The following SCO1 variants were observed in gnomAD, a reference collection of about 807,000 sequenced individuals.
SCO1 encodes synthesis of cytochrome C oxidase 1, also known as cytochrome c oxidase assembly factor SCO1.
SCO1 carries 23 observed loss-of-function variants against 34.0 expected under a neutral mutation model. The observed-to-expected ratio is 0.68, with a 90% CI of 0.49 to 0.96. The LOEUF (loss-of-function observed/expected upper bound fraction) is 0.96. SCO1 is among the 40% of genes least tolerant of loss of function. SCO1 has a pLI of 0.00. For synonymous variants in SCO1, 161 were observed against 145.5 expected, an observed-to-expected ratio of 1.11 and a Z score of -0.77; for missense variants, 404 against 381.6, an observed-to-expected ratio of 1.06 and a Z score of -0.49.
rs2074586226 is a variant in SCO1, at chr17:10,677,151, C to A, written c.*3968G>T. The A allele has an allele frequency of 6.6e-6, 1 of 152,082 alleles. No homozygotes were observed. Among genetic ancestry groups the A allele is most frequent in the Admixed American group, 6.6e-5 (1 of 15,264 alleles). The allele number at this position is 152,082 out of a possible 1,614,324, so 9.4% of individuals were successfully genotyped here. On this transcript the variant is annotated 3_prime_UTR_variant, in exon 6 of 6. Coordinates refer to ENST00000255390, the MANE Select transcript of SCO1 (RefSeq NM_004589.4). The stretch of plus-strand genomic sequence containing the variant: ...GAGAAACCCGTCTCTACTAAAAATA[C>A]AAAAATTTAGCTGGGTGTGCTGGTG...
In SCO1 at chr17:10,694,225, A is replaced by G. The variant is rs116806947; in HGVS notation, c.365-1264T>C. ...TCCAAGCTAAGGGGCATTCTACAAA[A>G]TAACTCTCCTGTAACTGTCAAAGCT... On this transcript the variant is annotated intron_variant, in intron 2 of 5. Transcript: ENST00000255390. Among the ~76,000 whole-genome samples, 620 of 152,350 alleles carry G rather than the reference A, an allele frequency of 4.1e-3. 2 individuals carry two copies. The highest frequency in any genetic ancestry group is 0.014 in the African/African-American group (571 of 41,580).
rs961223483 is a variant in SCO1, at chr17:10,694,749, G to A, written c.364+992C>T. ...AGCTTCCATATTCTAGAATTTTCCC[G>A]CCACAACTTTCCTAGCTTTTGTTTC... On this transcript the variant is annotated intron_variant, in intron 2 of 5. Coordinates refer to ENST00000255390, the MANE Select transcript of SCO1 (RefSeq NM_004589.4). 5.9e-5 allele frequency among the ~76,000 whole-genome samples: 9 copies of A among 151,936 alleles called. 1 individual carries two copies. In the South Asian group the frequency reaches 6.2e-4, roughly 10 times the overall value.
chr17:10,689,115 C>CAA (rs556558488), intron 4 of SCO1, among the ~76,000 whole-genome samples: 1,975 of 67,834 alleles, frequency 0.029, 84 homozygotes, highest in Non-Finnish European at 0.04. Context: ...GACTCCGTCT[C>CAA]AAAAAAAAAA....
In SCO1 at chr17:10,695,785, G is replaced by C. The variant is rs11538236; in HGVS notation, c.320C>G (p.Ala107Gly). The change falls in exon 2 of 6, where the codon GCT becomes GGT. Residue 107 changes from alanine (A) to glycine (G), a missense_variant. Transcript: ENST00000255390. The stretch of plus-strand genomic sequence containing the variant: ...GACGTGCTTCATTCCAGCCAGTAAA[G>C]CTCCTCCAATAGCAAATGTGATTGC... ...SLAITFAIGG[A>G]LLAGMKHVKK... 3.1e-6 allele frequency: 5 copies of C among 1,613,544 alleles called. No homozygotes were observed. The African/African-American group carries it at 6.7e-5, about 22-fold the overall frequency.
chr17:10,683,620 C>T (rs2074635826), intron 5 of SCO1, among the ~76,000 whole-genome samples: 1 of 152,098 alleles, frequency 6.6e-6, no homozygotes, highest in Non-Finnish European at 1.5e-5. Context: ...AAAAATGTTA[C>T]CTCATTATAC....
In SCO1 at chr17:10,673,620, T is replaced by C. The variant is rs183959840; in HGVS notation, c.*7499A>G. On this transcript the variant is annotated 3_prime_UTR_variant, in exon 6 of 6. Coordinates refer to ENST00000255390, the MANE Select transcript of SCO1 (RefSeq NM_004589.4). Reference sequence around the variant, plus strand: ...AGCAGGCAGTTAGTCTCTCAGTCTATTGCATCAGTGGTTCTCAGCAGCCTA... The same window carrying C: ...AGCAGGCAGTTAGTCTCTCAGTCTACTGCATCAGTGGTTCTCAGCAGCCTA... 36 of 152,368 alleles carry C rather than the reference T, an allele frequency of 2.4e-4. No homozygotes were observed. Among genetic ancestry groups the C allele is most frequent in the Non-Finnish European group, 2.6e-4 (18 of 68,062 alleles). 9.4% of individuals were successfully genotyped at this position (152,368 alleles called of 1,614,324 possible).
In SCO1 at chr17:10,676,918, T is replaced by C. The variant is rs768333386; in HGVS notation, c.*4201A>G. 6.6e-6 allele frequency: 1 copy of C among 152,226 alleles called. No homozygotes were observed. The highest frequency in any genetic ancestry group is 1.5e-5 in the Non-Finnish European group (1 of 68,044). 9.4% of individuals were successfully genotyped at this position (152,226 alleles called of 1,614,324 possible). A position where few individuals can be genotyped will look rare whatever the true frequency, so the allele number is the denominator to read the frequency against. The stretch of plus-strand genomic sequence containing the variant: ...GGTCTAAAGGTGTTATTAAGGAATA[T>C]GTGGCTAAAGAGGCTATTACTTGAA... On this transcript the variant is annotated 3_prime_UTR_variant, in exon 6 of 6. Coordinates refer to ENST00000255390, the MANE Select transcript of SCO1 (RefSeq NM_004589.4).
rs1339802100 is a variant in SCO1, at chr17:10,676,800, T to G, written c.*4319A>C. On this transcript the variant is annotated 3_prime_UTR_variant, in exon 6 of 6. Transcript: ENST00000255390. ...CTTCAACTTTTCTGTATGCCAAACTTTCTTTACTGAGGATATAGTATAATT... is the reference window on the plus strand; with the variant it reads ...CTTCAACTTTTCTGTATGCCAAACTGTCTTTACTGAGGATATAGTATAATT... 2 of 152,324 alleles carry G rather than the reference T, an allele frequency of 1.3e-5. No individual in the cohort carries two copies. The highest frequency in any genetic ancestry group is 2.1e-4 in the South Asian group (1 of 4,824). 9.4% of individuals were successfully genotyped at this position (152,324 alleles called of 1,614,324 possible).
rs1241615659 is a variant in SCO1 at position 10,675,020 on chromosome 17, C to T, written c.*6099G>A. 2 of 152,248 alleles carry T rather than the reference C, an allele frequency of 1.3e-5. No homozygotes were observed. Among genetic ancestry groups the T allele is most frequent in the Non-Finnish European group, 2.9e-5 (2 of 68,130 alleles). 9.4% of individuals were successfully genotyped at this position (152,248 alleles called of 1,614,324 possible). Reference sequence around the variant, plus strand: ...GCCCACTCTCCCCTTCAGTTTGCTCCTCCTCAGTGTCAGGGTCCCAGGGCC... The same window carrying T: ...GCCCACTCTCCCCTTCAGTTTGCTCTTCCTCAGTGTCAGGGTCCCAGGGCC... On this transcript the variant is annotated 3_prime_UTR_variant, in exon 6 of 6. Coordinates refer to ENST00000255390, the MANE Select transcript of SCO1 (RefSeq NM_004589.4).
intron 1 of SCO1, among the ~76,000 whole-genome samples, chr17:10,696,713 A>C (rs1358647673): frequency 6.6e-6 from 1 of 152,136 alleles, no homozygotes; most frequent in East Asian, 1.9e-4. Context: ...CGTAGCTCCA[A>C]AAACCCACTT....
intron 5 of SCO1, chr17:10,684,125 G>T (rs2074639043): frequency 6.6e-6 from 1 of 152,202 alleles, no homozygotes; most frequent in Non-Finnish European, 1.5e-5. Flanking sequence ...ATGGCAGTAG[G>T]CCAGTATTTC....
At chr17:10,685,069 C>A (rs937087479) in intron 5 of SCO1, among the ~76,000 whole-genome samples, 2 of 152,200 alleles carry the variant, frequency 1.3e-5, no homozygotes, top group Non-Finnish European at 2.9e-5. Context: ...TTAATTCAGG[C>A]TGTAGGCTCC....
intron 4 of SCO1, among the ~76,000 whole-genome samples, chr17:10,687,703 C>G (rs1300336532): frequency 2.6e-5 from 4 of 152,176 alleles, no homozygotes; most frequent in African/African-American, 4.8e-5. Flanking sequence ...ATTGCTGAAA[C>G]TGCATTTTTT....
Position 10,677,418 on chromosome 17 carries a change from C to T in SCO1, c.*3701G>A, listed in dbSNP as rs535028613. On this transcript the variant is annotated 3_prime_UTR_variant, in exon 6 of 6. Coordinates refer to ENST00000255390, the MANE Select transcript of SCO1 (RefSeq NM_004589.4). ...TGCTCTTTTAAAGGTAGCTCATATA[C>T]ACATACACAAAGATTTAAATGGTAC... 1.3e-5 allele frequency: 2 copies of T among 152,258 alleles called. No individual in the cohort carries two copies. Among genetic ancestry groups the T allele is most frequent in the African/African-American group, 4.8e-5 (2 of 41,542 alleles). The allele number at this position is 152,258 out of a possible 1,614,324, so 9.4% of individuals were successfully genotyped here. A position where few individuals can be genotyped will look rare whatever the true frequency, so the allele number is the denominator to read the frequency against.
chr17:10,685,959 G>A (rs2074652706), intron 5 of SCO1, among the ~76,000 whole-genome samples: 1 of 152,214 alleles, frequency 6.6e-6, no homozygotes, highest in Admixed American at 6.5e-5. Flanking sequence ...TGGGCGCAGT[G>A]GCTCAGGCCT....
intron 5 of SCO1, among the ~76,000 whole-genome samples, chr17:10,683,541 AG>A (rs1160404827): frequency 6.6e-6 from 1 of 152,124 alleles, no homozygotes; most frequent in Non-Finnish European, 1.5e-5. Flanking sequence ...TCACTCCTGC[AG>A]TTTATTTCCT....
intron 2 of SCO1, among the ~76,000 whole-genome samples, chr17:10,693,826 C>G (rs2074705865): frequency 6.6e-6 from 1 of 152,142 alleles, no homozygotes; most frequent in Non-Finnish European, 1.5e-5. Flanking sequence ...TCCAAGGGGG[C>G]TCCCGCTGAT....
chr17:10,688,460 A>G (rs1421784919), intron 4 of SCO1, among the ~76,000 whole-genome samples: 1 of 152,240 alleles, frequency 6.6e-6, no homozygotes. Context: ...CTAAGCACCT[A>G]CTAGAGTGGC....
chr17:10,683,537 C>T (rs955171681), intron 5 of SCO1, among the ~76,000 whole-genome samples: 46 of 152,190 alleles, frequency 3.0e-4, no homozygotes, highest in African/African-American at 1.1e-3. Flanking sequence ...AAATTCACTC[C>T]TGCAGTTTAT....
Sources: gnomAD v4.1 joint callset for allele counts (sites outside exome capture counted in the v4.1 genomes callset) on GRCh38, gnomAD v4.1.1 for gene constraint, MANE v1.5 for transcripts, NCBI Gene and HGNC (gene_info 2026-07-23, HGNC 2026-07-21) for gene names.